TTC12: variants seen among roughly 807,000 people sequenced by gnomAD.
TTC12 encodes tetratricopeptide repeat domain 12.
TTC12 carries 70 observed loss-of-function variants against 90.1 expected under a neutral mutation model. The observed-to-expected ratio is 0.78, with a 90% CI of 0.64 to 0.95. TTC12 has a LOEUF of 0.95. Ranked by LOEUF, TTC12 falls within the 40% of genes least tolerant of loss-of-function variation. The pLI is 0.00. For synonymous variants in TTC12, 296 were observed against 311.5 expected (o/e 0.95, Z 0.53); for missense variants, 819 against 846.1 (o/e 0.97, Z 0.40).
At chr11:113,370,590 C>T (rs376173656), downstream of TTC12, among the ~76,000 whole-genome samples, 131 of 152,370 alleles carry the variant, frequency 8.6e-4, no homozygotes, top group African/African-American at 3.1e-3. Context: ...TGGAGACATT[C>T]TGCCCTGTGG....
intron 16 of TTC12, among the ~76,000 whole-genome samples, chr11:113,354,950 A>G (rs1555151905): frequency 6.6e-6 from 1 of 152,182 alleles, no homozygotes; most frequent in East Asian, 1.9e-4. Flanking sequence ...AGGTTTGGGA[A>G]TCAGGATGAT....
chr11:113,357,274 A>G (rs542809813), intron 16 of TTC12, among the ~76,000 whole-genome samples: 1 of 152,102 alleles, frequency 6.6e-6, no homozygotes, highest in African/African-American at 2.4e-5. Flanking sequence ...TTTCAGCTCT[A>G]TCAGGTTGGT....
rs868935124 is a variant in TTC12 at position 113,320,185 on chromosome 11, G to A, written c.59-3103G>A. ...GAGATGGGAATAGTGGATAGAAGAG[G>A]GTGGTTCCCTGGCAAAGACCCCACC... is the stretch of plus-strand genomic sequence containing the variant. On this transcript the variant is annotated intron_variant, in intron 2 of 21. Coordinates refer to ENST00000529221, the MANE Select transcript of TTC12 (RefSeq NM_017868.4). Among the ~76,000 whole-genome samples the A allele has an allele frequency of 6.6e-5, 10 of 152,038 alleles. No individual in the cohort carries two copies. In the South Asian group the frequency reaches 8.3e-4, roughly 13 times the overall value.
At position 113,350,086 on chromosome 11, in the gene TTC12, C is replaced by T; in HGVS notation, c.1168C>T (p.Leu390=). 6.2e-6 allele frequency: 10 copies of T among 1,613,766 alleles called. No individual in the cohort carries two copies. The highest frequency in any genetic ancestry group is 7.6e-6 in the Non-Finnish European group (9 of 1,179,724). The stretch of plus-strand genomic sequence containing the variant: ...GGTTTTTTGCAGATTATTGGAAGCG[C>T]TGGTGTCATTTCTTGATTTCTCGGA... The part of the protein sequence containing the change: ...HLDLTRLLEA[L]VSFLDFSDKE... Residue 390 remains leucine, a synonymous_variant, in exon 14 of 22, where the codon CTG becomes TTG. Transcript: ENST00000529221.
chr11:113,354,786 A>G (rs1327292293), intron 16 of TTC12, among the ~76,000 whole-genome samples: 3 of 152,190 alleles, frequency 2.0e-5, no homozygotes, highest in Admixed American at 1.3e-4. Context: ...TGTTGAACCA[A>G]CCTTGCATCC....
chr11:113,328,855 G>T (rs926728273), intron 6 of TTC12, among the ~76,000 whole-genome samples: 4 of 152,014 alleles, frequency 2.6e-5, no homozygotes, highest in South Asian at 2.1e-4. Context: ...TGTCTGTTCT[G>T]GACATTTTAT....
At chr11:113,350,193 A>G (rs782717400) in intron 14 of TTC12, 28 bp downstream of exon 14, 2 of 1,508,290 alleles carry the variant, frequency 1.3e-6, no homozygotes, top group Admixed American at 3.4e-5. Context: ...AGAAATTGAC[A>G]TTTCTTCTTC....
At chr11:113,368,196 C>G (rs765006320), downstream of TTC12, 6 of 1,472,146 alleles carry the variant, frequency 4.1e-6, no homozygotes, top group African/African-American at 1.4e-5. Flanking sequence ...GAGTGCCTGC[C>G]GAGAGCAGTC....
chr11:113,316,227 A>G lies in TTC12; in HGVS notation c.-15-16A>G, dbSNP rs201907364. ...CTTTATTATTATTAATTTCACCATT[A>G]TGCTGCATCCCTTAGGGATTCCGGT... On this transcript the variant is annotated splice_polypyrimidine_tract_variant and intron_variant, in intron 1 of 21. Transcript: ENST00000529221. The G allele has an allele frequency of 1.7e-5, 23 of 1,331,172 alleles. No homozygotes were observed. Among genetic ancestry groups the G allele is most frequent in the African/African-American group, 3.0e-5 (2 of 67,354 alleles). The allele number at this position is 1,331,172 out of a possible 1,614,324, so 82.5% of individuals were successfully genotyped here. A position where few individuals can be genotyped will look rare whatever the true frequency, so the allele number is the denominator to read the frequency against.
intron 10 of TTC12, 120 bp downstream of exon 10, chr11:113,339,594 T>C (rs1187377453): frequency 3.3e-6 from 3 of 917,386 alleles, no homozygotes; most frequent in Admixed American, 2.7e-5. Context: ...ATTAAAGATA[T>C]ACGCTAATGT....
At chr11:113,342,005 A>G in intron 12 of TTC12, 80 bp downstream of exon 12, 1 of 1,227,988 alleles carries the variant, frequency 8.1e-7, no homozygotes. Flanking sequence ...TGTCCTCCCC[A>G]AAGGCCAGGC....
At chr11:113,323,481 G>GA in intron 3 of TTC12, 30 bp downstream of exon 3, 6 of 1,481,766 alleles carry the variant, frequency 4.0e-6, no homozygotes, top group South Asian at 3.0e-5. Context: ...AGTTATATAA[G>GA]TACTTACAGT....
At chr11:113,360,729 G>A (rs1241243883) in intron 18 of TTC12, among the ~76,000 whole-genome samples, 1 of 152,130 alleles carries the variant, frequency 6.6e-6, no homozygotes, top group Non-Finnish European at 1.5e-5. Flanking sequence ...GGGTGGGTCT[G>A]GGAAACCAGC....
At chr11:113,371,059 A>G (rs1950372110), downstream of TTC12, among the ~76,000 whole-genome samples, 1 of 152,162 alleles carries the variant, frequency 6.6e-6, no homozygotes, top group Admixed American at 6.5e-5. Context: ...GATTTACACT[A>G]GATCAAAGGC....
intron 7 of TTC12, among the ~76,000 whole-genome samples, chr11:113,332,893 T>C (rs891903419): frequency 1.3e-5 from 2 of 152,214 alleles, no homozygotes; most frequent in Non-Finnish European, 1.5e-5. Flanking sequence ...TGGTTTTGAC[T>C]TCACATCCTC....
At chr11:113,331,991 G>T (rs1459965441) in intron 7 of TTC12, among the ~76,000 whole-genome samples, 1 of 152,232 alleles carries the variant, frequency 6.6e-6, no homozygotes, top group Non-Finnish European at 1.5e-5. Flanking sequence ...TATCAATAGT[G>T]AATGTCACTG....
chr11:113,329,730 A>G, intron 6 of TTC12, 190 bp from the exon 7 acceptor site: 1 of 658,096 alleles, frequency 1.5e-6, no homozygotes, highest in African/African-American at 1.8e-5. Flanking sequence ...ACCGTGGAAG[A>G]GGTCCCTGTA....
intron 13 of TTC12, among the ~76,000 whole-genome samples, chr11:113,349,594 G>A (rs782432725): frequency 6.6e-6 from 1 of 152,224 alleles, no homozygotes; most frequent in Non-Finnish European, 1.5e-5. Flanking sequence ...CCAGCTCTAA[G>A]TGGAGGACTT....
chr11:113,354,767 A>C (rs782150021), intron 16 of TTC12, among the ~76,000 whole-genome samples: 1 of 152,184 alleles, frequency 6.6e-6, no homozygotes, highest in Non-Finnish European at 1.5e-5. Context: ...ACATTTATCT[A>C]TTTGTGTATG....
Sources: gnomAD v4.1 joint callset for allele counts (sites outside exome capture counted in the v4.1 genomes callset) on GRCh38, gnomAD v4.1.1 for gene constraint, MANE v1.5 for transcripts, NCBI Gene and HGNC (gene_info 2026-07-23, HGNC 2026-07-21) for gene names.